Variants in MBNL2 observed in about 807,000 individuals in gnomAD.
MBNL2 encodes the protein muscleblind-like protein 2.
Under a neutral mutation model 41.9 loss-of-function variants are expected in MBNL2, and 17 were observed. The observed-to-expected ratio is 0.41, with a 90% confidence interval of 0.28 to 0.61. The LOEUF (loss-of-function observed/expected upper bound fraction) is 0.61. Among genes scored for constraint, MBNL2 ranks in the 20% least tolerant of loss-of-function variants. The pLI, the probability that MBNL2 is intolerant of heterozygous loss-of-function variation, is 0.35. For synonymous variants in MBNL2, 195 were observed against 182.9 expected (o/e 1.07, Z -0.53); for missense variants, 336 against 505.6 (o/e 0.66, Z 3.22).
At chr13:97,357,436 T>G (rs937633834) in intron 6 of MBNL2, 46 bp from the exon 7 acceptor site, 2 of 1,511,326 alleles carry the variant, frequency 1.3e-6, no homozygotes, top group Admixed American at 3.4e-5. Flanking sequence ...ATGGAAGGTG[T>G]GTTTGCTTTA....
chr13:97,360,606 G>T (rs1010115066), intron 7 of MBNL2, among the ~76,000 whole-genome samples: 1 of 152,152 alleles, frequency 6.6e-6, no homozygotes, highest in Non-Finnish European at 1.5e-5. Context: ...TCTTCAAGAT[G>T]TTGCAGTTCT....
At chr13:97,247,508 AG>A (rs1262028829) in intron 1 of MBNL2, among the ~76,000 whole-genome samples, 1 of 152,194 alleles carries the variant, frequency 6.6e-6, no homozygotes, top group African/African-American at 2.4e-5. Context: ...TTGTGCTCTT[AG>A]GGTTGGCTTC....
At chr13:97,187,887 C>A in the MBNL2 span, among the ~76,000 whole-genome samples, 2 of 143,882 alleles carry the variant, frequency 1.4e-5, no homozygotes, top group African/African-American at 2.5e-5. Flanking sequence ...CCAGCCTGGG[C>A]GACAGTGAGA....
chr13:97,362,313 A>C (rs918929812), intron 7 of MBNL2, among the ~76,000 whole-genome samples: 4 of 152,174 alleles, frequency 2.6e-5, no homozygotes, highest in Non-Finnish European at 4.4e-5. Flanking sequence ...CAGACCTGGA[A>C]TGCTCAACCT....
chr13:97,213,534 C>A, the MBNL2 span, among the ~76,000 whole-genome samples: 1 of 152,136 alleles, frequency 6.6e-6, no homozygotes, highest in Non-Finnish European at 1.5e-5. Context: ...TGAGTGATTT[C>A]AACGGTTTCC....
the MBNL2 span, among the ~76,000 whole-genome samples, chr13:97,178,742 C>T: frequency 1.3e-5 from 2 of 152,152 alleles, no homozygotes; most frequent in African/African-American, 4.8e-5. Context: ...CATAAAATTA[C>T]AAAAATTAGC....
intron 2 of MBNL2, among the ~76,000 whole-genome samples, chr13:97,315,239 A>T (rs573615541): frequency 6.6e-6 from 1 of 152,372 alleles, no homozygotes; most frequent in African/African-American, 2.4e-5. Flanking sequence ...CTTCTAAAGC[A>T]GTTAAAATAA....
At chr13:97,322,982 G>C (rs1456648958) in intron 2 of MBNL2, among the ~76,000 whole-genome samples, 4 of 152,160 alleles carry the variant, frequency 2.6e-5, no homozygotes. Context: ...GGAAGATGCT[G>C]GGACTCTGGA....
chr13:97,187,734 C>T, the MBNL2 span, among the ~76,000 whole-genome samples: 11 of 151,582 alleles, frequency 7.3e-5, no homozygotes, highest in African/African-American at 1.9e-4. Context: ...ACTGAAACCC[C>T]GTCTCTACTA....
chr13:97,216,471 A>C (rs999530409), upstream of MBNL2, among the ~76,000 whole-genome samples: 1 of 152,194 alleles, frequency 6.6e-6, no homozygotes, highest in African/African-American at 2.4e-5. Context: ...CATTATGTTG[A>C]GAGAGAAATA....
intron 1 of MBNL2, among the ~76,000 whole-genome samples, chr13:97,265,580 TCTTTTA>T (rs776839095): frequency 6.6e-6 from 1 of 152,062 alleles, no homozygotes. Context: ...CTTTCTACTT[TCTTTTA>T]CTTATACTTC....
Position 97,334,011 on chromosome 13 carries a change from AGAGAGAG to A in MBNL2, c.175-263_175-257del, listed in dbSNP as rs2060657020. ...GGGAAAGAAAGAGAAAGAGAGAAAG[AGAGAGAG>A]GGAGGGAGGGAGGGAAAAATCCTCA... On this transcript the variant is annotated intron_variant, in intron 2 of 8. Coordinates refer to ENST00000679496, the MANE Select transcript of MBNL2 (RefSeq NM_001382683.1). This position sits in a 1 kb window ranked among gnomAD's most constrained non-coding sequence, Gnocchi z 5.3. Among the ~76,000 whole-genome samples, 1 of 68,558 alleles carries A rather than the reference AGAGAGAG, an allele frequency of 1.5e-5. No individual in the cohort carries two copies. Among genetic ancestry groups the A allele is most frequent in the Non-Finnish European group, 3.2e-5 (1 of 31,230 alleles). 45.0% of individuals were successfully genotyped at this position (68,558 alleles called of 152,430 possible).
intron 8 of MBNL2, among the ~76,000 whole-genome samples, chr13:97,376,941 C>T (rs1022398670): frequency 1.6e-4 from 24 of 152,186 alleles, no homozygotes; most frequent in African/African-American, 5.8e-4. Flanking sequence ...CCTGATCACC[C>T]ATGTCCTGCC....
At position 97,391,618 on chromosome 13, in the gene MBNL2, G is replaced by C. The variant is rs1241108790; in HGVS notation, c.*169G>C. ...ATAAAGGATAAAGTTTACTTTTAAA[G>C]GGTTTCTAAACATAGTTTCTGTCCT... On this transcript the variant is annotated 3_prime_UTR_variant, in exon 9 of 9. Transcript: ENST00000679496. The C allele has an allele frequency of 1.8e-6, 1 of 552,074 alleles. No homozygotes were observed. Among genetic ancestry groups the C allele is most frequent in the African/African-American group, 2.0e-5 (1 of 50,010 alleles). 34.2% of individuals were successfully genotyped at this position (552,074 alleles called of 1,614,324 possible).
chr13:97,196,231 C>T, the MBNL2 span, among the ~76,000 whole-genome samples: 1 of 152,156 alleles, frequency 6.6e-6, no homozygotes, highest in African/African-American at 2.4e-5. Context: ...CACATCTTTG[C>T]ATACAGCCTA....
At chr13:97,263,469 C>G (rs917154897) in intron 1 of MBNL2, among the ~76,000 whole-genome samples, 7 of 152,174 alleles carry the variant, frequency 4.6e-5, no homozygotes, top group African/African-American at 1.7e-4. Context: ...CCACACTACC[C>G]TGAGGGACAT....
At chr13:97,145,331 A>C in the MBNL2 span, among the ~76,000 whole-genome samples, 1 of 152,238 alleles carries the variant, frequency 6.6e-6, no homozygotes, top group African/African-American at 2.4e-5. Context: ...AAAAAGCAAC[A>C]TGATAAGAAA....
chr13:97,297,315 G>T (rs972292335), intron 2 of MBNL2, among the ~76,000 whole-genome samples: 3 of 152,182 alleles, frequency 2.0e-5, no homozygotes, highest in Non-Finnish European at 4.4e-5. Context: ...GCATCAAGAT[G>T]AGTATCAGCC....
At chr13:97,342,272 A>G (rs2061500776) in intron 3 of MBNL2, among the ~76,000 whole-genome samples, 1 of 152,224 alleles carries the variant, frequency 6.6e-6, no homozygotes, top group Non-Finnish European at 1.5e-5. Flanking sequence ...GGGACAGAGA[A>G]CAAATTTAAT....
Sources: gnomAD v4.1 joint callset for allele counts (sites outside exome capture counted in the v4.1 genomes callset) on GRCh38, gnomAD v4.1.1 for gene constraint, Gnocchi (gnomAD v3.1) non-coding constraint, MANE v1.5 for transcripts, NCBI Gene and HGNC (gene_info 2026-07-23, HGNC 2026-07-21) for gene names.